The following SAMMSON variants were observed in gnomAD, a reference collection of about 807,000 sequenced individuals.
The protein encoded by SAMMSON is long intergenic non-protein coding RNA 1212.
At chr3:70,031,631 C>T (rs2067066437) in intron 3 of SAMMSON, among the ~76,000 whole-genome samples, 1 of 152,044 alleles carries the variant, frequency 6.6e-6, no homozygotes, top group Non-Finnish European at 1.5e-5. Context: ...ATAGGCATTG[C>T]TTAAAATTGT....
chr3:70,402,300 T>A (rs1701146954), intron 2 of SAMMSON, among the ~76,000 whole-genome samples: 1 of 152,108 alleles, frequency 6.6e-6, no homozygotes, highest in African/African-American at 2.4e-5. Flanking sequence ...ATAAATTGAG[T>A]GGTTCAGTTG....
chr3:70,084,195 C>G (rs969508277), intron 4 of SAMMSON, among the ~76,000 whole-genome samples: 2 of 152,102 alleles, frequency 1.3e-5, no homozygotes, highest in Non-Finnish European at 2.9e-5. Flanking sequence ...GTAAACAAAC[C>G]TCAGTGGGAG....
intron 7 of SAMMSON, among the ~76,000 whole-genome samples, chr3:70,319,286 CAGTGA>C (rs1348729727): frequency 6.6e-6 from 1 of 152,066 alleles, no homozygotes; most frequent in Non-Finnish European, 1.5e-5. Flanking sequence ...AGGAAAAGGA[CAGTGA>C]AGTCGAGAGC....
chr3:70,379,789 C>CA (rs934245348), intron 9 of SAMMSON, among the ~76,000 whole-genome samples: 7 of 150,030 alleles, frequency 4.7e-5, no homozygotes, highest in East Asian at 1.9e-4. Flanking sequence ...AAGCAAAGTG[C>CA]AAAAAAAAGG....
intron 4 of SAMMSON, among the ~76,000 whole-genome samples, chr3:70,134,546 A>G (rs907673282): frequency 1.3e-5 from 2 of 152,158 alleles, no homozygotes; most frequent in Non-Finnish European, 2.9e-5. Flanking sequence ...AAGTGTAAAC[A>G]TATGACTTAA....
chr3:70,036,209 CCTCTATTCTAAGGCAAAGT>C (rs1220338154), intron 3 of SAMMSON, among the ~76,000 whole-genome samples: 1 of 152,070 alleles, frequency 6.6e-6, no homozygotes, highest in Admixed American at 6.6e-5. Flanking sequence ...TCTTTATATG[CCTCTATTCTAAGGCAAAGT>C]CTCTTTGAGG....
At chr3:70,006,898 T>C (rs1044121474) in intron 1 of SAMMSON, among the ~76,000 whole-genome samples, 3 of 149,078 alleles carry the variant, frequency 2.0e-5, no homozygotes, top group Non-Finnish European at 4.5e-5. Context: ...ACATGTGGTG[T>C]TTGGTTTTTC....
chr3:70,166,292 A>G (rs966086985), intron 4 of SAMMSON, among the ~76,000 whole-genome samples: 1 of 151,966 alleles, frequency 6.6e-6, no homozygotes, highest in Admixed American at 6.6e-5. Flanking sequence ...TATGTACTGG[A>G]TTTCTAAAAG....
At chr3:70,165,602 G>A (rs531481820) in intron 4 of SAMMSON, among the ~76,000 whole-genome samples, 120 of 151,926 alleles carry the variant, frequency 7.9e-4, no homozygotes, top group Non-Finnish European at 1.4e-3. Flanking sequence ...TTTTGTCATA[G>A]TACTCCCAAT....
downstream of SAMMSON, among the ~76,000 whole-genome samples, chr3:70,391,276 G>A (rs1271935380): frequency 6.6e-6 from 1 of 152,118 alleles, no homozygotes; most frequent in Non-Finnish European, 1.5e-5. Context: ...GGATAAATGA[G>A]TAGAATATTT....
chr3:70,432,842 A>G lies in SAMMSON; in HGVS notation n.234-29718A>G, dbSNP rs540268050. Among the ~76,000 whole-genome samples the G allele has an allele frequency of 2.0e-5, 3 of 152,128 alleles. No individual in the cohort carries two copies. In the East Asian group the frequency reaches 5.8e-4, roughly 29 times the overall value. ...CTCCCTCTTTCACCCAGAATCCCTC[A>G]TAACCACTTATCTTTTTACTGTCTC... On this transcript the variant is annotated intron_variant and non_coding_transcript_variant, in intron 2 of 3. Transcript: ENST00000641053.
intron 4 of SAMMSON, chr3:70,126,883 T>G (rs1044908220): frequency 6.5e-6 from 1 of 155,036 alleles, no homozygotes; most frequent in African/African-American, 2.4e-5. Flanking sequence ...GCTGGGTAAT[T>G]TTTGTATTTT....
In SAMMSON at chr3:70,288,965, G is replaced by C. The variant is rs192843456; in HGVS notation, n.675-2214G>C. 1.5e-4 allele frequency among the ~76,000 whole-genome samples: 23 copies of C among 152,188 alleles called. No homozygotes were observed. The East Asian group carries it at 4.5e-3, about 29-fold the overall frequency. The stretch of plus-strand genomic sequence containing the variant: ...AGCCTATGTGTGTCTCTGCACGTGA[G>C]ATGGGTTTCCTGAATACAGCACACT... On this transcript the variant is annotated intron_variant and non_coding_transcript_variant, in intron 6 of 9. Transcript: ENST00000642114.
At chr3:70,324,266 T>TA (rs1337939692) in intron 7 of SAMMSON, among the ~76,000 whole-genome samples, 1 of 151,972 alleles carries the variant, frequency 6.6e-6, no homozygotes, top group Non-Finnish European at 1.5e-5. Context: ...GTATGACTGA[T>TA]AGAGTGCCCA....
intron 4 of SAMMSON, among the ~76,000 whole-genome samples, chr3:70,195,601 T>C (rs1701168533): frequency 6.6e-6 from 1 of 152,208 alleles, no homozygotes; most frequent in Non-Finnish European, 1.5e-5. Context: ...CTTTCTTTTG[T>C]TGTTGCTGTT....
At chr3:70,397,195 A>G (rs891908361) in intron 2 of SAMMSON, among the ~76,000 whole-genome samples, 1 of 152,194 alleles carries the variant, frequency 6.6e-6, no homozygotes, top group Non-Finnish European at 1.5e-5. Flanking sequence ...TCCTTTTCAT[A>G]TGTGATAGCT....
intron 6 of SAMMSON, among the ~76,000 whole-genome samples, chr3:70,276,428 C>A (rs1319162333): frequency 3.3e-5 from 5 of 152,150 alleles, no homozygotes; most frequent in Admixed American, 2.6e-4. Flanking sequence ...ATACCCATAA[C>A]AAATCTTTGC....
downstream of SAMMSON, among the ~76,000 whole-genome samples, chr3:70,390,445 C>T (rs1291507160): frequency 6.6e-6 from 1 of 152,072 alleles, no homozygotes; most frequent in Non-Finnish European, 1.5e-5. Context: ...GTTCTGCAGG[C>T]TGTCCAGGAA....
chr3:70,310,439 C>T (rs991252136), intron 7 of SAMMSON, among the ~76,000 whole-genome samples: 3 of 148,966 alleles, frequency 2.0e-5, no homozygotes, highest in East Asian at 2.0e-4. Flanking sequence ...GATCTCGGCT[C>T]ACTGCAACCT....
Sources: allele counts gnomAD v4.1 joint callset (sites outside exome capture counted in the v4.1 genomes callset), GRCh38; gene constraint gnomAD v4.1.1; transcripts MANE v1.5; gene names NCBI Gene and HGNC (gene_info 2026-07-23, HGNC 2026-07-21).